SMAP1: variants seen among roughly 807,000 people sequenced by gnomAD.
SMAP1 encodes the protein small ArfGAP 1, also known as stromal membrane-associated protein 1.
In SMAP1, 24 loss-of-function variants were observed where a neutral mutation model predicts 58.5. The ratio of observed to expected loss-of-function variants is 0.41; its 90% CI spans 0.30 to 0.58. SMAP1 has a LOEUF of 0.58. Among genes scored for constraint, SMAP1 ranks in the 20% least tolerant of loss-of-function variants. The pLI is 0.29. For synonymous variants in SMAP1, 216 were observed against 196.6 expected, an observed-to-expected ratio of 1.10 and a Z score of -0.82; for missense variants, 563 against 566.3, an observed-to-expected ratio of 0.99 and a Z score of 0.06.
At chr6:70,844,264 A>G (rs1582297591) in intron 7 of SMAP1, among the ~76,000 whole-genome samples, 1 of 152,236 alleles carries the variant, frequency 6.6e-6, no homozygotes, top group Non-Finnish European at 1.5e-5. Flanking sequence ...AATCAGTTCT[A>G]CAAAGCTTCC....
intron 1 of SMAP1, among the ~76,000 whole-genome samples, chr6:70,710,020 G>T (rs921819206): frequency 1.3e-5 from 2 of 152,010 alleles, no homozygotes; most frequent in Non-Finnish European, 2.9e-5. Context: ...GACTCATAGA[G>T]TGTACTTACA....
At chr6:70,736,631 T>C (rs994706373) in intron 2 of SMAP1, among the ~76,000 whole-genome samples, 2 of 152,226 alleles carry the variant, frequency 1.3e-5, no homozygotes, top group African/African-American at 4.8e-5. Flanking sequence ...CTTGACAAAC[T>C]AAAATTGAAA....
At chr6:70,677,831 A>G (rs543413337) in intron 1 of SMAP1, among the ~76,000 whole-genome samples, 1 of 152,242 alleles carries the variant, frequency 6.6e-6, no homozygotes, top group East Asian at 1.9e-4. Flanking sequence ...CAACTCATAC[A>G]ACTCTTCCCC....
intron 2 of SMAP1, among the ~76,000 whole-genome samples, chr6:70,752,265 A>G (rs547023440): frequency 1.5e-4 from 23 of 152,292 alleles, no homozygotes; most frequent in Non-Finnish European, 2.6e-4. Context: ...CTCTAAAACT[A>G]AGAGCCTGCT....
chr6:70,792,560 C>G (rs1029400076), intron 5 of SMAP1, among the ~76,000 whole-genome samples: 1 of 152,046 alleles, frequency 6.6e-6, no homozygotes, highest in South Asian at 2.1e-4. Flanking sequence ...GAGGTACGCT[C>G]ACTGTACTGC....
chr6:70,711,332 A>C (rs1407184709), intron 1 of SMAP1, among the ~76,000 whole-genome samples: 1 of 152,162 alleles, frequency 6.6e-6, no homozygotes, highest in Non-Finnish European at 1.5e-5. Flanking sequence ...TTATTTCCAT[A>C]ATAATCTCAT....
chr6:70,672,425 A>C (rs1470979583), intron 1 of SMAP1, among the ~76,000 whole-genome samples: 1 of 152,166 alleles, frequency 6.6e-6, no homozygotes, highest in Admixed American at 6.5e-5. Flanking sequence ...TGTCTTTTCA[A>C]GGGAAATAAT....
intron 4 of SMAP1, among the ~76,000 whole-genome samples, chr6:70,783,594 G>A (rs1246001117): frequency 1.3e-5 from 2 of 152,190 alleles, no homozygotes; most frequent in Non-Finnish European, 2.9e-5. Context: ...AACCAATGCA[G>A]AGAAGTGCTT....
chr6:70,706,053 G>A (rs541336001), intron 1 of SMAP1, among the ~76,000 whole-genome samples: 1 of 152,306 alleles, frequency 6.6e-6, no homozygotes, highest in Admixed American at 6.5e-5. Flanking sequence ...ACAGCACTTG[G>A]TGGTTAGGAA....
At chr6:70,694,928 A>G (rs1477437539) in intron 1 of SMAP1, among the ~76,000 whole-genome samples, 11 of 152,252 alleles carry the variant, frequency 7.2e-5, no homozygotes. Context: ...CTTTCAATCC[A>G]TGAACATGGA....
At chr6:70,845,505 G>T (rs1770953735) in intron 7 of SMAP1, among the ~76,000 whole-genome samples, 1 of 152,184 alleles carries the variant, frequency 6.6e-6, no homozygotes, top group Non-Finnish European at 1.5e-5. Flanking sequence ...TTTTCTTGCT[G>T]CAGCTAGAGG....
rs1765273700 is a variant in SMAP1 at position 70,728,348 on chromosome 6, CACA to C, written c.119-4029_119-4027del. Among the ~76,000 whole-genome samples the C allele has an allele frequency of 3.3e-5, 5 of 152,212 alleles. No homozygotes were observed. In the South Asian group the frequency reaches 1.0e-3, roughly 32 times the overall value. On this transcript the variant is annotated intron_variant, in intron 1 of 10. Coordinates refer to ENST00000370455, the MANE Select transcript of SMAP1 (RefSeq NM_001044305.3). Reference sequence around the variant, plus strand: ...AATGTAGTCTTCCTATCAGGACAGCCACATTTCTAGGTAAAATTCAGAAGCCTT... The same window carrying C: ...AATGTAGTCTTCCTATCAGGACAGCCTTTCTAGGTAAAATTCAGAAGCCTT...
At chr6:70,812,591 G>A (rs536392448) in intron 6 of SMAP1, among the ~76,000 whole-genome samples, 157 of 152,236 alleles carry the variant, frequency 1.0e-3, no homozygotes, top group Middle Eastern at 6.8e-3. Context: ...CTGGAGACAG[G>A]AAAGAAATAT....
intron 1 of SMAP1, among the ~76,000 whole-genome samples, chr6:70,731,242 A>AT (rs1765420806): frequency 6.6e-6 from 1 of 152,066 alleles, no homozygotes; most frequent in Admixed American, 6.6e-5. Context: ...TACTTTATTA[A>AT]TTTTACAAGC....
intron 2 of SMAP1, among the ~76,000 whole-genome samples, chr6:70,746,472 G>A (rs554379378): frequency 9.2e-5 from 14 of 152,232 alleles, no homozygotes; most frequent in African/African-American, 2.9e-4. Flanking sequence ...GATGGATTAC[G>A]TTTATTGATT....
At chr6:70,830,710 A>G (rs998027092) in intron 6 of SMAP1, among the ~76,000 whole-genome samples, 2 of 152,250 alleles carry the variant, frequency 1.3e-5, no homozygotes, top group Non-Finnish European at 2.9e-5. Context: ...TCAGGAAGAC[A>G]TAATCCATTA....
chr6:70,675,360 AT>A (rs915840363), intron 1 of SMAP1, among the ~76,000 whole-genome samples: 43 of 151,956 alleles, frequency 2.8e-4, no homozygotes, highest in Non-Finnish European at 5.0e-4. Flanking sequence ...CATTAAAAAA[AT>A]TTTAGGAGGC....
chr6:70,773,182 G>T, intron 3 of SMAP1, 168 bp from the exon 4 acceptor site: 1 of 503,128 alleles, frequency 2.0e-6, no homozygotes, highest in Non-Finnish European at 3.6e-6. Context: ...TTCTTTAAGA[G>T]AAAGAAAAGT....
rs1259195688 is a variant in SMAP1, at chr6:70,825,273, A to G, written c.577-11668A>G. On this transcript the variant is annotated intron_variant, in intron 6 of 10. Coordinates refer to ENST00000370455, the MANE Select transcript of SMAP1 (RefSeq NM_001044305.3). ...CTCTGTGAGACTGCATAGGTTGCAA[A>G]CCTATGAAGCCAGCCATGTTCAGAG... Among the ~76,000 whole-genome samples the G allele has an allele frequency of 2.0e-5, 3 of 152,252 alleles. No individual in the cohort carries two copies. In the East Asian group the frequency reaches 5.8e-4, roughly 29 times the overall value.
Sources: gnomAD v4.1 joint callset for allele counts (sites outside exome capture counted in the v4.1 genomes callset) on GRCh38, gnomAD v4.1.1 for gene constraint, MANE v1.5 for transcripts, NCBI Gene and HGNC (gene_info 2026-07-23, HGNC 2026-07-21) for gene names.